PLXNA2: variants seen among roughly 807,000 people sequenced by gnomAD.
PLXNA2 encodes the protein plexin-A2.
PLXNA2 carries 91 observed loss-of-function variants against 193.5 expected under a neutral mutation model. That is an observed-to-expected ratio of 0.47 (90% CI 0.40 to 0.56). The LOEUF (loss-of-function observed/expected upper bound fraction) is 0.56, where lower values mean the gene tolerates loss of function less well. PLXNA2 is among the 20% of genes least tolerant of loss of function. The pLI, the probability that PLXNA2 is intolerant of heterozygous loss-of-function variation, is 0.00. For missense variants in PLXNA2, 1,995 were observed against 2,503.2 expected (o/e 0.80, Z 4.33); for synonymous variants, 997 against 1,027.3 (o/e 0.97, Z 0.56).
chr1:208,145,207 C>T (rs1341488867), intron 3 of PLXNA2, among the ~76,000 whole-genome samples: 1 of 152,168 alleles, frequency 6.6e-6, no homozygotes, highest in Non-Finnish European at 1.5e-5. Context: ...TCAGGCCCTG[C>T]TTCTTGCCTG....
intron 3 of PLXNA2, among the ~76,000 whole-genome samples, chr1:208,186,348 GA>G (rs1669996379): frequency 6.6e-6 from 1 of 152,218 alleles, no homozygotes; most frequent in East Asian, 1.9e-4. Flanking sequence ...TTCATAAATA[GA>G]GAATAGAAAA....
intron 3 of PLXNA2, among the ~76,000 whole-genome samples, chr1:208,169,624 G>T (rs182457364): frequency 1.0e-3 from 152 of 152,162 alleles, no homozygotes; most frequent in Non-Finnish European, 1.9e-3. Flanking sequence ...GTCACACTGG[G>T]GTCCACAGGG....
intron 3 of PLXNA2, 93 bp from the exon 4 acceptor site, chr1:208,142,556 C>T (rs1668489177): frequency 6.5e-6 from 8 of 1,239,188 alleles, no homozygotes; most frequent in Admixed American, 2.6e-5. Flanking sequence ...TTACAGAAGA[C>T]CATTGCTAAC....
intron 4 of PLXNA2, among the ~76,000 whole-genome samples, chr1:208,106,541 C>T (rs1167384324): frequency 6.6e-6 from 1 of 152,220 alleles, no homozygotes; most frequent in Non-Finnish European, 1.5e-5. Flanking sequence ...CCACTAGCTT[C>T]ATGCGGCTAT....
rs1553272777 is a variant in PLXNA2 at position 208,042,359 on chromosome 1, C to T, written c.4025G>A (p.Gly1342Glu). 1.9e-6 allele frequency: 3 copies of T among 1,613,260 alleles called. No individual in the cohort carries two copies. Among genetic ancestry groups the T allele is most frequent in the Non-Finnish European group, 2.5e-6 (3 of 1,179,346 alleles). Reference sequence around the variant, plus strand: ...CTTCTCCACGTGCTGCTGCCCGTTTCCTTGTACCTGGGGTGGGGTGTGGTG... The same window carrying T: ...CTTCTCCACGTGCTGCTGCCCGTTTTCTTGTACCTGGGGTGGGGTGTGGTG... Reference protein sequence around the residue: ...HPVLRELEVQGNGQQHVEKAL... With the variant: ...HPVLRELEVQENGQQHVEKAL... Residue 1342 changes from glycine (G) to glutamate (E), a missense_variant, in exon 22 of 32, where the codon GGA (glycine) becomes GAA (glutamate). Coordinates refer to ENST00000367033, the MANE Select transcript of PLXNA2 (RefSeq NM_025179.4).
At chr1:208,188,824 A>G (rs1670086322) in intron 3 of PLXNA2, among the ~76,000 whole-genome samples, 1 of 152,230 alleles carries the variant, frequency 6.6e-6, no homozygotes, top group Non-Finnish European at 1.5e-5. Flanking sequence ...CAATGTGTAA[A>G]GTTGGATCTT....
chr1:208,111,038 G>A (rs540269766), intron 4 of PLXNA2, among the ~76,000 whole-genome samples: 3 of 152,230 alleles, frequency 2.0e-5, no homozygotes, highest in African/African-American at 7.2e-5. Context: ...AGATTGGGAA[G>A]GGTGAAAGAT....
intron 3 of PLXNA2, among the ~76,000 whole-genome samples, chr1:208,160,689 C>G (rs1404913392): frequency 2.0e-5 from 3 of 152,226 alleles, no homozygotes; most frequent in Non-Finnish European, 2.9e-5. Flanking sequence ...TTTTGAGGAC[C>G]TGCTATGTGC....
intron 14 of PLXNA2, 35 bp downstream of exon 14, chr1:208,054,386 G>A (rs889106204): frequency 9.1e-6 from 13 of 1,429,486 alleles, no homozygotes; most frequent in Non-Finnish European, 1.3e-5. Context: ...TCTCCTCCCT[G>A]GGCACCTGCA....
chr1:208,169,110 A>G (rs1571991815), intron 3 of PLXNA2, among the ~76,000 whole-genome samples: 1 of 152,052 alleles, frequency 6.6e-6, no homozygotes, highest in Admixed American at 6.6e-5. Context: ...AGACCAAGTT[A>G]TTGAACATGG....
At chr1:208,106,824 C>G (rs1387251242) in intron 4 of PLXNA2, among the ~76,000 whole-genome samples, 1 of 152,318 alleles carries the variant, frequency 6.6e-6, no homozygotes, top group South Asian at 2.1e-4. Flanking sequence ...TCTGACAGTG[C>G]TGCCCTAAAC....
chr1:208,032,226 G>A (rs1012713945), intron 28 of PLXNA2: 1 of 766,666 alleles, frequency 1.3e-6, no homozygotes, highest in African/African-American at 1.9e-5. Flanking sequence ...GAGACAAGTG[G>A]TATCTGGAAT....
At position 208,023,923 on chromosome 1, in the gene PLXNA2, A is replaced by G. The variant is rs1664264465; in HGVS notation, c.*3320T>C. ...CATGCTTTTAATGACTGAACTCTGT[A>G]AAGAGGGGAACCCTCTGCCAATGGG... is the stretch of plus-strand genomic sequence containing the variant. On this transcript the variant is annotated 3_prime_UTR_variant, in exon 32 of 32. Transcript: ENST00000367033. The G allele has an allele frequency of 6.6e-6, 1 of 152,254 alleles. No individual in the cohort carries two copies. The highest frequency in any genetic ancestry group is 1.5e-5 in the Non-Finnish European group (1 of 68,078). The allele number at this position is 152,254 out of a possible 1,614,324, so 9.4% of individuals were successfully genotyped here.
chr1:208,186,705 G>GTTTTTTTGTTTTTTGTTTTTT (rs1267154450), intron 3 of PLXNA2, among the ~76,000 whole-genome samples: 1 of 88,500 alleles, frequency 1.1e-5, no homozygotes, highest in African/African-American at 4.7e-5. Context: ...GAATTGCAAT[G>GTTTTTTTGTTTTTTGTTTTTT]TTATTTTATT....
At chr1:208,056,128 G>A (rs936375443) in intron 13 of PLXNA2, among the ~76,000 whole-genome samples, 17 of 152,234 alleles carry the variant, frequency 1.1e-4, no homozygotes, top group African/African-American at 2.9e-4. Flanking sequence ...TGTGGTTAAC[G>A]ACTCTCTCAT....
chr1:208,241,598 C>T (rs1017388262), intron 1 of PLXNA2, among the ~76,000 whole-genome samples: 4 of 152,220 alleles, frequency 2.6e-5, no homozygotes, highest in African/African-American at 9.7e-5. Flanking sequence ...TGGTACTTTA[C>T]CACTGCTGCT....
intron 3 of PLXNA2, among the ~76,000 whole-genome samples, chr1:208,165,593 G>A (rs568287232): frequency 7.2e-5 from 11 of 152,090 alleles, no homozygotes; most frequent in South Asian, 2.1e-4. Context: ...GGCAGCTTTC[G>A]TCAATAGCCT....
At chr1:208,211,769 T>C (rs994564376) in intron 2 of PLXNA2, among the ~76,000 whole-genome samples, 26 of 151,968 alleles carry the variant, frequency 1.7e-4, no homozygotes, top group Non-Finnish European at 3.7e-4. Context: ...TACTAACTGG[T>C]TGTGAAAACT....
intron 9 of PLXNA2, among the ~76,000 whole-genome samples, chr1:208,086,047 AG>A (rs1488635914): frequency 6.6e-6 from 1 of 152,168 alleles, no homozygotes; most frequent in African/African-American, 2.4e-5. Flanking sequence ...CTTCTCTGCA[AG>A]GCCGTCCCTG....
Sources: allele counts gnomAD v4.1 joint callset (sites outside exome capture counted in the v4.1 genomes callset), GRCh38; gene constraint gnomAD v4.1.1; transcripts MANE v1.5; gene names NCBI Gene and HGNC (gene_info 2026-07-23, HGNC 2026-07-21).